The following PHACTR2 variants were observed in gnomAD, a reference collection of about 807,000 sequenced individuals.
PHACTR2 encodes phosphatase and actin regulator 2, also known as chromosome 6 open reading frame 56.
In PHACTR2, 30 loss-of-function variants were observed where a neutral mutation model predicts 76.0. The ratio of observed to expected loss-of-function variants is 0.39; its 90% CI spans 0.30 to 0.54. The LOEUF (loss-of-function observed/expected upper bound fraction) is 0.54, where lower values mean the gene tolerates loss of function less well. Ranked by LOEUF, PHACTR2 falls within the 20% of genes least tolerant of loss-of-function variation. The pLI is 0.61. For missense variants in PHACTR2, 696 were observed against 781.1 expected (o/e 0.89, Z 1.30); for synonymous variants, 292 against 292.5 (o/e 1.00, Z 0.02).
intron 1 of PHACTR2, among the ~76,000 whole-genome samples, chr6:143,669,631 CTTCT>C (rs775755698): frequency 6.6e-6 from 1 of 151,754 alleles, no homozygotes; most frequent in Non-Finnish European, 1.5e-5. Context: ...ATGTAATGGC[CTTCT>C]TTGTCTCTTT....
Position 143,826,956 on chromosome 6 carries a change from A to G in PHACTR2, c.*3267A>G, listed in dbSNP as rs1776542315. On this transcript the variant is annotated 3_prime_UTR_variant, in exon 13 of 13. Transcript: ENST00000440869. ...GAGAGTAGTCCTTTATCTTTCTCTAATGTTAGTAAATATATTCTGTTAGTA... is the reference window on the plus strand; with the variant it reads ...GAGAGTAGTCCTTTATCTTTCTCTAGTGTTAGTAAATATATTCTGTTAGTA... 1 of 151,550 alleles carries G rather than the reference A, an allele frequency of 6.6e-6. No individual in the cohort carries two copies. The highest frequency in any genetic ancestry group is 1.5e-5 in the Non-Finnish European group (1 of 67,914). 9.4% of individuals were successfully genotyped at this position (151,550 alleles called of 1,614,324 possible).
At position 143,554,538 on chromosome 6, in the gene PHACTR2, G is replaced by C. The variant is rs1203634529; in HGVS notation, c.217+17331G>C. The C allele has an allele frequency of 3.3e-5, 5 of 152,232 alleles. No homozygotes were observed. The highest frequency in any genetic ancestry group is 2.6e-4 in the Admixed American group (4 of 15,270). 9.4% of individuals were successfully genotyped at this position (152,232 alleles called of 1,614,324 possible). The stretch of plus-strand genomic sequence containing the variant: ...GGAAAATTACTAAAAGGAAACGTCA[G>C]CGTTAGAGCAGTCTTGCTGAAGACA... On this transcript the variant is annotated intron_variant, in intron 1 of 11. Coordinates refer to the PHACTR2 transcript ENST00000367584. The surrounding 1 kb of genome is among the most constrained non-coding windows in gnomAD (Gnocchi z 5.9).
chr6:143,655,711 A>C (rs1776837714), intron 1 of PHACTR2, among the ~76,000 whole-genome samples: 1 of 152,236 alleles, frequency 6.6e-6, no homozygotes, highest in South Asian at 2.1e-4. Context: ...TAGTGTTTGC[A>C]TTTATGATTT....
rs764510550 is a variant in PHACTR2 at position 143,599,487 on chromosome 6, C to T, written c.217+62280C>T. Among the ~76,000 whole-genome samples, 1 of 152,118 alleles carries T rather than the reference C, an allele frequency of 6.6e-6. No homozygotes were observed. The highest frequency in any genetic ancestry group is 1.5e-5 in the Non-Finnish European group (1 of 68,016). On this transcript the variant is annotated intron_variant, in intron 1 of 11. Coordinates refer to the PHACTR2 transcript ENST00000367584. This position sits in a 1 kb window ranked among gnomAD's most constrained non-coding sequence, Gnocchi z 4.6. Reference sequence around the variant, plus strand: ...AGTGTTCTGGGAGCTACGAGGAAGACCTTGACAAGATTTCTACGTCTTTCA... The same window carrying T: ...AGTGTTCTGGGAGCTACGAGGAAGATCTTGACAAGATTTCTACGTCTTTCA...
At chr6:143,651,522 G>A (rs1301621930) in intron 1 of PHACTR2, among the ~76,000 whole-genome samples, 4 of 152,174 alleles carry the variant, frequency 2.6e-5, no homozygotes, top group Non-Finnish European at 5.9e-5. Flanking sequence ...AAAAAGGAAT[G>A]AGATAAAGTC....
rs1320780409 is a variant in PHACTR2, at chr6:143,709,042, C to T, written c.47-2974C>T. 6.6e-6 allele frequency among the ~76,000 whole-genome samples: 1 copy of T among 152,176 alleles called. No individual in the cohort carries two copies. The highest frequency in any genetic ancestry group is 2.4e-5 in the African/African-American group (1 of 41,450). The stretch of plus-strand genomic sequence containing the variant: ...GTTAAGCCCTTCCATGAGAGTTCAG[C>T]ACAAAGTCTTCATGAAGAAGTAAAA... On this transcript the variant is annotated intron_variant, in intron 1 of 12. Transcript: ENST00000440869. The surrounding 1 kb of genome is among the most constrained non-coding windows in gnomAD (Gnocchi z 4.4).
chr6:143,780,748 C>T lies in PHACTR2; in HGVS notation c.1646-2471C>T, dbSNP rs1443617098. On this transcript the variant is annotated intron_variant, in intron 9 of 12. Coordinates refer to ENST00000440869, the MANE Select transcript of PHACTR2 (RefSeq NM_001100164.2). This position sits in a 1 kb window ranked among gnomAD's most constrained non-coding sequence, Gnocchi z 4.4. ...TGCGGGTCGTCCGAAATGTTCGCCC[C>T]TCTCTGCTCTGATGAGAGTCACTGA... 1.3e-5 allele frequency among the ~76,000 whole-genome samples: 2 copies of T among 152,156 alleles called. No homozygotes were observed.
rs1775955567 is a variant in PHACTR2, at chr6:143,610,295, A to G, written c.13+1973A>G. 6.6e-6 allele frequency among the ~76,000 whole-genome samples: 1 copy of G among 151,552 alleles called. No homozygotes were observed. Among genetic ancestry groups the G allele is most frequent in the African/African-American group, 2.4e-5 (1 of 41,200 alleles). ...AAACTGGTAAGTGGCAAAAAAAAAAATCTGAAAAATCTGAAATAACTTGGA... is the reference window on the plus strand; with the variant it reads ...AAACTGGTAAGTGGCAAAAAAAAAAGTCTGAAAAATCTGAAATAACTTGGA... On this transcript the variant is annotated intron_variant, in intron 1 of 11. Coordinates refer to the PHACTR2 transcript ENST00000305766. The surrounding 1 kb of genome is among the most constrained non-coding windows in gnomAD (Gnocchi z 4.9).
chr6:143,749,452 T>G (rs1779139382), intron 3 of PHACTR2, among the ~76,000 whole-genome samples: 1 of 152,204 alleles, frequency 6.6e-6, no homozygotes, highest in Non-Finnish European at 1.5e-5. Flanking sequence ...TTCATGCTAT[T>G]TTGTTTCTTA....
intron 1 of PHACTR2, among the ~76,000 whole-genome samples, chr6:143,640,338 C>A (rs1248174877): frequency 1.3e-5 from 2 of 152,116 alleles, no homozygotes; most frequent in African/African-American, 4.8e-5. Context: ...AGAAGGTATT[C>A]CAGAAGAAGA....
rs67651028 is a variant in PHACTR2, at chr6:143,617,477, C to T, written c.13+9155C>T. ...TCTTTTAAATACCCATCTCTGTGCC[C>T]CACCCTAGACAAATTCAGTCCGGGA... On this transcript the variant is annotated intron_variant, in intron 1 of 11. Coordinates refer to the PHACTR2 transcript ENST00000305766. The surrounding 1 kb of genome is among the most constrained non-coding windows in gnomAD (Gnocchi z 4.8). Among the ~76,000 whole-genome samples the T allele has an allele frequency of 0.082, 12,462 of 152,266 alleles. 617 individuals are homozygous for T. The highest frequency in any genetic ancestry group is 0.14 in the Middle Eastern group (40 of 294).
rs1776089629 is a variant in PHACTR2, at chr6:143,618,251, C to T, written c.13+9929C>T. Among the ~76,000 whole-genome samples the T allele has an allele frequency of 8.7e-6, 1 of 115,404 alleles. No homozygotes were observed. The highest frequency in any genetic ancestry group is 2.8e-4 in the South Asian group (1 of 3,624). The allele number at this position is 115,404 out of a possible 152,430, so 75.7% of individuals were successfully genotyped here. A position where few individuals can be genotyped will look rare whatever the true frequency, so the allele number is the denominator to read the frequency against. On this transcript the variant is annotated intron_variant, in intron 1 of 11. Transcript: ENST00000305766. The surrounding 1 kb of genome is among the most constrained non-coding windows in gnomAD (Gnocchi z 5.2). ...GTCCTGTTCCACCTTGTACTTCCTG[C>T]TCCAAACACACACACACACACACAC...
chr6:143,587,998 G>A (rs1436821346), intron 1 of PHACTR2, among the ~76,000 whole-genome samples: 1 of 108,696 alleles, frequency 9.2e-6, no homozygotes, highest in Non-Finnish European at 2.3e-5. Flanking sequence ...GGCAACAAGA[G>A]TGAAACTCTG....
rs574485447 is a variant in PHACTR2 at position 143,558,144 on chromosome 6, A to G, written c.217+20937A>G. 11 of 152,296 alleles carry G rather than the reference A, an allele frequency of 7.2e-5. No individual in the cohort carries two copies. Among genetic ancestry groups the G allele is most frequent in the Middle Eastern group, 3.4e-3 (1 of 294 alleles). The allele number at this position is 152,296 out of a possible 1,614,324, so 9.4% of individuals were successfully genotyped here. ...CTGGATCCAGCGCCTATAGATGGAA[A>G]GAGATTTATAAGAAACACTGCACAA... is the stretch of plus-strand genomic sequence containing the variant. On this transcript the variant is annotated intron_variant, in intron 1 of 11. Coordinates refer to the PHACTR2 transcript ENST00000367584. This position sits in a 1 kb window ranked among gnomAD's most constrained non-coding sequence, Gnocchi z 4.7.
At chr6:143,674,250 G>A (rs1376679868), upstream of PHACTR2, among the ~76,000 whole-genome samples, 3 of 151,988 alleles carry the variant, frequency 2.0e-5, no homozygotes, top group African/African-American at 7.3e-5. The surrounding 1 kb of genome is among the most constrained non-coding windows in gnomAD (Gnocchi z 4.9). Context: ...TTCTAAGTAA[G>A]CTGACTCTTA....
At position 143,633,128 on chromosome 6, in the gene PHACTR2, C is replaced by T. The variant is rs114731741; in HGVS notation, c.13+24806C>T. Among the ~76,000 whole-genome samples, 1,309 of 152,264 alleles carry T rather than the reference C, an allele frequency of 8.6e-3. 28 individuals carry two copies. Among genetic ancestry groups the T allele is most frequent in the African/African-American group, 0.029 (1,220 of 41,544 alleles). ...CAGCCGATTTGGTTAAATACCAAGGCGTGCAATTGCTGAATCATAGGGTGA... is the reference window on the plus strand; with the variant it reads ...CAGCCGATTTGGTTAAATACCAAGGTGTGCAATTGCTGAATCATAGGGTGA... On this transcript the variant is annotated intron_variant, in intron 1 of 11. Transcript: ENST00000305766. The surrounding 1 kb of genome is among the most constrained non-coding windows in gnomAD (Gnocchi z 4.1).
chr6:143,812,268 C>T (rs1776193053), intron 12 of PHACTR2, among the ~76,000 whole-genome samples: 1 of 152,190 alleles, frequency 6.6e-6, no homozygotes, highest in Admixed American at 6.5e-5. Flanking sequence ...TCACAACTCA[C>T]CCTTTTGAAC....
rs1776980094 is a variant in PHACTR2, at chr6:143,663,579, T to C, written c.14-48437T>C. 6.6e-6 allele frequency among the ~76,000 whole-genome samples: 1 copy of C among 152,208 alleles called. No homozygotes were observed. The highest frequency in any genetic ancestry group is 6.5e-5 in the Admixed American group (1 of 15,284). On this transcript the variant is annotated intron_variant, in intron 1 of 11. Transcript: ENST00000305766. This position sits in a 1 kb window ranked among gnomAD's most constrained non-coding sequence, Gnocchi z 4.1. ...ATAAATGCGATTAAAGCTTTAAATA[T>C]AGCTCTAATTACCACATTAGCTTAA...
rs913558251 is a variant in PHACTR2, at chr6:143,618,185, A to C, written c.13+9863A>C. ...ATGCTATATTTGCTGTATCCATGTG[A>C]CTTACCACAGGCGCCCTGCTTTTTA... On this transcript the variant is annotated intron_variant, in intron 1 of 11. Coordinates refer to the PHACTR2 transcript ENST00000305766. This position sits in a 1 kb window ranked among gnomAD's most constrained non-coding sequence, Gnocchi z 5.2. Among the ~76,000 whole-genome samples the C allele has an allele frequency of 6.6e-6, 1 of 151,828 alleles. No homozygotes were observed. Among genetic ancestry groups the C allele is most frequent in the Non-Finnish European group, 1.5e-5 (1 of 67,976 alleles).
Sources: gnomAD v4.1 joint callset for allele counts (sites outside exome capture counted in the v4.1 genomes callset) on GRCh38, gnomAD v4.1.1 for gene constraint, Gnocchi (gnomAD v3.1) non-coding constraint, MANE v1.5 for transcripts, NCBI Gene and HGNC (gene_info 2026-07-23, HGNC 2026-07-21) for gene names.